CFAP20DC: variants seen among roughly 807,000 people sequenced by gnomAD.
The protein encoded by CFAP20DC is CFAP20 domain containing.
CFAP20DC carries 84 observed loss-of-function variants against 101.7 expected under a neutral mutation model. That is an observed-to-expected ratio of 0.83 (90% CI 0.69 to 0.99). CFAP20DC has a LOEUF of 0.99. Ranked by LOEUF, CFAP20DC falls within the 50% of genes least tolerant of loss-of-function variation. CFAP20DC has a pLI of 0.00. For synonymous variants in CFAP20DC, 359 were observed against 351.2 expected (o/e 1.02, Z -0.25); for missense variants, 1,007 against 970.3 (o/e 1.04, Z -0.50).
intron 14 of CFAP20DC, among the ~76,000 whole-genome samples, chr3:58,808,174 G>A (rs1396553794): frequency 6.6e-6 from 1 of 152,174 alleles, no homozygotes; most frequent in African/African-American, 2.4e-5. Flanking sequence ...CCCCAATCTA[G>A]CAAGGCAGGC....
intron 14 of CFAP20DC, among the ~76,000 whole-genome samples, chr3:58,810,862 G>T (rs1462323656): frequency 1.3e-5 from 2 of 151,782 alleles, no homozygotes; most frequent in East Asian, 1.9e-4. Flanking sequence ...AAAGTCTCAG[G>T]ATACAAAATC....
At chr3:58,884,308 A>T (rs1392054400) in intron 7 of CFAP20DC, among the ~76,000 whole-genome samples, 3 of 152,218 alleles carry the variant, frequency 2.0e-5, no homozygotes, top group Admixed American at 2.0e-4. Context: ...CTGAAGTTGA[A>T]AATATTTCTA....
At position 58,882,813 on chromosome 3, in the gene CFAP20DC, C is replaced by T. The variant is rs2081324395; in HGVS notation, c.715+1732G>A. 6.6e-6 allele frequency among the ~76,000 whole-genome samples: 1 copy of T among 152,152 alleles called. No individual in the cohort carries two copies. Among genetic ancestry groups the T allele is most frequent in the South Asian group, 2.1e-4 (1 of 4,822 alleles). ...AAAAAGTCCTACCTAAAGTTGGTAA[C>T]TGTGGAAGCAGGTGATTGGGTACAC... On this transcript the variant is annotated intron_variant, in intron 7 of 16. Transcript: ENST00000482387. This position sits in a 1 kb window ranked among gnomAD's most constrained non-coding sequence, Gnocchi z 4.2.
intron 5 of CFAP20DC, among the ~76,000 whole-genome samples, chr3:58,915,223 A>T (rs1412694650): frequency 6.6e-6 from 1 of 152,154 alleles, no homozygotes; most frequent in Non-Finnish European, 1.5e-5. Flanking sequence ...CCTGTCAGTC[A>T]TCTAAACACG....
rs545439077 is a variant in CFAP20DC at position 58,873,107 on chromosome 3, A to T, written c.716-2798T>A. The stretch of plus-strand genomic sequence containing the variant: ...TGCTCAAGCAGAAGTCTGCATAGCT[A>T]TTCTGGATGCTGTAAGGCAGGTGCT... On this transcript the variant is annotated intron_variant, in intron 7 of 16. Coordinates refer to ENST00000482387, the MANE Select transcript of CFAP20DC (RefSeq NM_001394063.1). Among the ~76,000 whole-genome samples the T allele has an allele frequency of 1.9e-3, 281 of 146,702 alleles. 3 individuals are homozygous for T. Among genetic ancestry groups the T allele is most frequent in the African/African-American group, 7.0e-3 (274 of 39,392 alleles).
chr3:58,852,390 A>G (rs945085265), intron 12 of CFAP20DC, among the ~76,000 whole-genome samples: 6 of 151,940 alleles, frequency 3.9e-5, no homozygotes, highest in Admixed American at 2.0e-4. Context: ...ATTAATAATG[A>G]GAGACTTTAA....
chr3:58,997,696 G>A (rs934748983), intron 4 of CFAP20DC, among the ~76,000 whole-genome samples: 1 of 152,104 alleles, frequency 6.6e-6, no homozygotes, highest in Non-Finnish European at 1.5e-5. Context: ...ATGAATGTGA[G>A]GATCAAAAAA....
At chr3:58,928,829 G>A (rs1281999680) in intron 5 of CFAP20DC, among the ~76,000 whole-genome samples, 1 of 152,100 alleles carries the variant, frequency 6.6e-6, no homozygotes, top group Non-Finnish European at 1.5e-5. Context: ...AGCATAACAT[G>A]AGCTGAAGTC....
At chr3:58,933,554 G>C (rs1000429932) in intron 5 of CFAP20DC, among the ~76,000 whole-genome samples, 5 of 152,156 alleles carry the variant, frequency 3.3e-5, no homozygotes, top group African/African-American at 7.2e-5. Flanking sequence ...TAAAAGAATA[G>C]AAATTATAAC....
rs566519711 is a variant in CFAP20DC, at chr3:58,717,915, C to T, written c.198-287G>A. ...AATTGGGTAAACTAACCAATGATGC[C>T]AGTCATGACTGATGTAGGGCTTCTT... On this transcript the variant is annotated intron_variant, in intron 3 of 3. Transcript: ENST00000486145. The surrounding 1 kb of genome is among the most constrained non-coding windows in gnomAD (Gnocchi z 4.1). 6.6e-6 allele frequency among the ~76,000 whole-genome samples: 1 copy of T among 152,244 alleles called. No individual in the cohort carries two copies. Among genetic ancestry groups the T allele is most frequent in the East Asian group, 1.9e-4 (1 of 5,178 alleles).
At chr3:58,891,552 A>G (rs2082264429) in intron 6 of CFAP20DC, among the ~76,000 whole-genome samples, 1 of 152,150 alleles carries the variant, frequency 6.6e-6, no homozygotes, top group Non-Finnish European at 1.5e-5. Context: ...CATTTCTCTA[A>G]TGATCAGTGA....
chr3:58,815,057 C>A (rs2075000281), intron 14 of CFAP20DC, among the ~76,000 whole-genome samples: 1 of 151,588 alleles, frequency 6.6e-6, no homozygotes, highest in East Asian at 1.9e-4. Flanking sequence ...CAAAGCAATC[C>A]TAAGCCAAAA....
At chr3:58,800,345 T>C (rs1051894076) in intron 15 of CFAP20DC, among the ~76,000 whole-genome samples, 1 of 152,186 alleles carries the variant, frequency 6.6e-6, no homozygotes, top group African/African-American at 2.4e-5. Context: ...GGATTTGGCA[T>C]ATACTATCTT....
At chr3:58,759,888 A>G (rs968287024) in intron 15 of CFAP20DC, among the ~76,000 whole-genome samples, 5 of 151,982 alleles carry the variant, frequency 3.3e-5, no homozygotes, top group Admixed American at 2.0e-4. Context: ...TGTTCCATTG[A>G]TCTATATCTC....
In CFAP20DC at chr3:58,861,567, G is replaced by T. The variant is rs2079250722; in HGVS notation, c.1593+1991C>A. 3.0e-6 allele frequency: 3 copies of T among 984,484 alleles called. No individual in the cohort carries two copies. The highest frequency in any genetic ancestry group is 3.6e-6 in the Non-Finnish European group (3 of 829,056). The allele number at this position is 984,484 out of a possible 1,614,324, so 61.0% of individuals were successfully genotyped here. On this transcript the variant is annotated intron_variant, in intron 12 of 16. Transcript: ENST00000482387. The surrounding 1 kb of genome is among the most constrained non-coding windows in gnomAD (Gnocchi z 4.0). ...GAAAAAATCCAATTTTGTTAAGAAG[G>T]TATCATTACACATGCTAAAACTTGT...
intron 12 of CFAP20DC, among the ~76,000 whole-genome samples, chr3:58,850,693 C>T (rs2078150445): frequency 6.7e-6 from 1 of 150,222 alleles, no homozygotes; most frequent in Non-Finnish European, 1.5e-5. Flanking sequence ...AGAGAAAAAA[C>T]AAAAAAGCAC....
At chr3:58,763,605 A>T (rs918624100) in intron 15 of CFAP20DC, among the ~76,000 whole-genome samples, 1 of 152,162 alleles carries the variant, frequency 6.6e-6, no homozygotes, top group African/African-American at 2.4e-5. Flanking sequence ...TTAGAGGAGG[A>T]GAGGCACTCT....
intron 4 of CFAP20DC, among the ~76,000 whole-genome samples, chr3:58,979,841 A>G (rs75336825): frequency 1.5e-3 from 221 of 151,628 alleles, no homozygotes; most frequent in African/African-American, 4.9e-3. Flanking sequence ...ATGGAGAATC[A>G]ATATAACAAA....
intron 1 of CFAP20DC, among the ~76,000 whole-genome samples, chr3:59,049,102 T>G (rs1382615756): frequency 6.6e-6 from 1 of 152,220 alleles, no homozygotes. Flanking sequence ...GAAAGCCTGA[T>G]GTACTCCAAC....
Sources: allele counts gnomAD v4.1 joint callset (sites outside exome capture counted in the v4.1 genomes callset), GRCh38; gene constraint gnomAD v4.1.1; non-coding constraint Gnocchi (gnomAD v3.1); transcripts MANE v1.5; gene names NCBI Gene and HGNC (gene_info 2026-07-23, HGNC 2026-07-21).